ANKH: variants seen among roughly 807,000 people sequenced by gnomAD.
The protein encoded by ANKH is ANKH inorganic pyrophosphate transport regulator, also known as mineralization regulator ANKH.
ANKH carries 15 observed loss-of-function variants against 49.0 expected under a neutral mutation model. That is an observed-to-expected ratio of 0.31 (90% CI 0.20 to 0.47). The LOEUF (loss-of-function observed/expected upper bound fraction) is 0.47, where lower values mean the gene tolerates loss of function less well. ANKH is among the 20% of genes least tolerant of loss of function. The pLI, the probability that ANKH is intolerant of heterozygous loss-of-function variation, is 1.00. For synonymous variants in ANKH, 273 were observed against 260.0 expected (o/e 1.05, Z -0.48); for missense variants, 429 against 652.0 (o/e 0.66, Z 3.72).
chr5:14,809,335 T>TAAAAAAAAAAAAAAAAAAAAAAA (rs36119317), intron 1 of ANKH, among the ~76,000 whole-genome samples: 2 of 80,856 alleles, frequency 2.5e-5, no homozygotes, highest in Non-Finnish European at 4.7e-5. Context: ...TAGAGTATAA[T>TAAAAAAAAAAAAAAAAAAAAAAA]AAAAAAAAAA....
intron 6 of ANKH, 122 bp downstream of exon 6, chr5:14,749,050 C>T (rs1021414621): frequency 1.1e-4 from 147 of 1,381,798 alleles, no homozygotes; most frequent in Non-Finnish European, 3.7e-5. Flanking sequence ...CCTAGTGTGA[C>T]TGTCATGTAA....
chr5:14,837,900 T>A (rs1741701621), intron 1 of ANKH, among the ~76,000 whole-genome samples: 1 of 152,330 alleles, frequency 6.6e-6, no homozygotes, highest in Middle Eastern at 3.4e-3. Context: ...TAAGAAAATG[T>A]GGCACATATA....
In ANKH at chr5:14,871,526, ACGGGGC is replaced by A. The variant is rs1561093296; in HGVS notation, c.-85_-80del. ...CGGGGAGGCGAGGGGCGACGGGGCG[ACGGGGC>A]GAGCGGGGCGCGGGCCGACAGAGGC... On this transcript the variant is annotated 5_prime_UTR_variant, in exon 1 of 12. Transcript: ENST00000284268. 9.6e-5 allele frequency: 102 copies of A among 1,064,828 alleles called. 1 individual carries two copies. Among genetic ancestry groups the A allele is most frequent in the Non-Finnish European group, 1.3e-4 (101 of 762,996 alleles). The allele number at this position is 1,064,828 out of a possible 1,614,324, so 66.0% of individuals were successfully genotyped here. A position where few individuals can be genotyped will look rare whatever the true frequency, so the allele number is the denominator to read the frequency against.
intron 1 of ANKH, among the ~76,000 whole-genome samples, chr5:14,784,407 C>T (rs954422145): frequency 6.6e-6 from 1 of 152,156 alleles, no homozygotes; most frequent in African/African-American, 2.4e-5. Flanking sequence ...GGTGGGGCGG[C>T]AGGGGCAGGA....
At chr5:14,853,166 A>AT (rs937314154) in intron 1 of ANKH, among the ~76,000 whole-genome samples, 3 of 152,252 alleles carry the variant, frequency 2.0e-5, no homozygotes, top group Admixed American at 6.5e-5. Context: ...AGGTGCAATT[A>AT]ATCAAGACAA....
At chr5:14,854,460 T>C (rs989585247) in intron 1 of ANKH, among the ~76,000 whole-genome samples, 1 of 152,130 alleles carries the variant, frequency 6.6e-6, no homozygotes, top group African/African-American at 2.4e-5. Context: ...CAGAAGGATC[T>C]CTTGGGCCTA....
rs773124853 is a variant in ANKH at position 14,711,213 on chromosome 5, C to T, written c.1463G>A (p.Arg488Lys). The T allele has an allele frequency of 6.2e-6, 10 of 1,614,186 alleles. No individual in the cohort carries two copies. Among genetic ancestry groups the T allele is most frequent in the South Asian group, 1.1e-5 (1 of 91,084 alleles). The change falls in exon 12 of 12, where the codon AGA becomes AAA. Residue 488 changes from arginine (R) to lysine (K), a missense_variant. Transcript: ENST00000284268. ...TEEVTDIVEM[R>K]EENE ...TCCCGTGCCTTATTCATTCTCCTCT[C>T]TCATTTCCACGATGTCTGTCACCTC...
intron 8 of ANKH, among the ~76,000 whole-genome samples, chr5:14,739,004 G>A (rs1738271448): frequency 6.6e-6 from 1 of 152,184 alleles, no homozygotes; most frequent in Admixed American, 6.5e-5. Flanking sequence ...TGACATTGCA[G>A]ACCCTGCCTC....
chr5:14,704,957 C>T lies in ANKH; in HGVS notation c.*6240G>A, dbSNP rs1736894601. On this transcript the variant is annotated 3_prime_UTR_variant, in exon 12 of 12. Transcript: ENST00000284268. ...TTCCATCTGTTAGATACATAAAGAG[C>T]ACTTCCTTAAAAGCGACATGTATTT... 1 of 152,178 alleles carries T rather than the reference C, an allele frequency of 6.6e-6. No homozygotes were observed. The highest frequency in any genetic ancestry group is 6.5e-5 in the Admixed American group (1 of 15,282). The allele number at this position is 152,178 out of a possible 1,614,324, so 9.4% of individuals were successfully genotyped here.
intron 11 of ANKH, among the ~76,000 whole-genome samples, chr5:14,712,545 G>A (rs1331086664): frequency 6.6e-6 from 1 of 152,206 alleles, no homozygotes; most frequent in Admixed American, 6.5e-5. Flanking sequence ...CGGCAGCATC[G>A]CATGTCTGCG....
intron 1 of ANKH, among the ~76,000 whole-genome samples, chr5:14,862,386 T>C (rs1393726783): frequency 6.6e-6 from 1 of 152,248 alleles, no homozygotes; most frequent in East Asian, 1.9e-4. Flanking sequence ...CATAGCATCA[T>C]GACTGGTATT....
chr5:14,836,494 A>T (rs1741657934), intron 1 of ANKH, among the ~76,000 whole-genome samples: 2 of 152,216 alleles, frequency 1.3e-5, no homozygotes, highest in African/African-American at 4.8e-5. Context: ...AGAGAGCCAA[A>T]TCATGAGTGA....
chr5:14,735,512 C>A (rs1033893285), intron 8 of ANKH, among the ~76,000 whole-genome samples: 3 of 152,156 alleles, frequency 2.0e-5, no homozygotes, highest in Non-Finnish European at 4.4e-5. Flanking sequence ...GCTTGCCAGG[C>A]ACCCAAAACA....
At chr5:14,791,747 A>T (rs1245008588) in intron 1 of ANKH, among the ~76,000 whole-genome samples, 1 of 152,196 alleles carries the variant, frequency 6.6e-6, no homozygotes, top group East Asian at 1.9e-4. Flanking sequence ...TAGCTCATGA[A>T]GTCAAAAGTC....
At position 14,721,887 on chromosome 5, in the gene ANKH, G is replaced by GCA. The variant is rs1281119073; in HGVS notation, c.1012-5053_1012-5052insTG. On this transcript the variant is annotated intron_variant, in intron 8 of 11. Transcript: ENST00000284268. Reference sequence around the variant, plus strand: ...GGAGCTTGCAGTGAGCTGAGATCATGCCACTGCACTCCAGCCTGGGCGACA... The same window carrying GCA: ...GGAGCTTGCAGTGAGCTGAGATCATGCACCACTGCACTCCAGCCTGGGCGACA... Among the ~76,000 whole-genome samples, 635 of 120,702 alleles carry GCA rather than the reference G, an allele frequency of 5.3e-3. 10 individuals carry two copies. Among genetic ancestry groups the GCA allele is most frequent in the African/African-American group, 6.3e-3 (198 of 31,500 alleles). 79.2% of individuals were successfully genotyped at this position (120,702 alleles called of 152,430 possible). A position where few individuals can be genotyped will look rare whatever the true frequency, so the allele number is the denominator to read the frequency against.
chr5:14,791,742 C>T (rs1435456989), intron 1 of ANKH, among the ~76,000 whole-genome samples: 1 of 152,178 alleles, frequency 6.6e-6, no homozygotes, highest in African/African-American at 2.4e-5. Flanking sequence ...AGTGATAGCT[C>T]ATGAAGTCAA....
At chr5:14,824,199 A>G (rs1254038975) in intron 1 of ANKH, among the ~76,000 whole-genome samples, 1 of 152,212 alleles carries the variant, frequency 6.6e-6, no homozygotes, top group Non-Finnish European at 1.5e-5. Flanking sequence ...AAATGTAAAT[A>G]GGAAAAAATT....
intron 8 of ANKH, among the ~76,000 whole-genome samples, chr5:14,741,043 T>C (rs1489874742): frequency 6.6e-6 from 1 of 152,234 alleles, no homozygotes; most frequent in Non-Finnish European, 1.5e-5. Context: ...TCCATCTTTA[T>C]AACCCAAAGG....
intron 1 of ANKH, among the ~76,000 whole-genome samples, chr5:14,810,627 T>C (rs1291502711): frequency 6.6e-6 from 1 of 152,156 alleles, no homozygotes; most frequent in Non-Finnish European, 1.5e-5. Flanking sequence ...TGCCTGGCCA[T>C]TTATCCTAGC....
Sources: allele counts gnomAD v4.1 joint callset (sites outside exome capture counted in the v4.1 genomes callset), GRCh38; gene constraint gnomAD v4.1.1; transcripts MANE v1.5; gene names NCBI Gene and HGNC (gene_info 2026-07-23, HGNC 2026-07-21).